The following RANBP2 variants were observed in gnomAD, a reference collection of about 807,000 sequenced individuals.
The protein encoded by RANBP2 is E3 SUMO-protein ligase RanBP2.
RANBP2 carries 57 observed loss-of-function variants against 303.6 expected under a neutral mutation model. That is an observed-to-expected ratio of 0.19 (90% CI 0.15 to 0.23). The LOEUF (loss-of-function observed/expected upper bound fraction) is 0.23, where lower values mean the gene tolerates loss of function less well. RANBP2 is among the 10% of genes least tolerant of loss of function. RANBP2 has a pLI of 1.00. For missense variants in RANBP2, 3,138 were observed against 3,780.8 expected, an observed-to-expected ratio of 0.83 and a Z score of 4.46; for synonymous variants, 1,167 against 1,301.5, an observed-to-expected ratio of 0.90 and a Z score of 2.23.
the RANBP2 span, chr2:109,618,921 A>G: frequency 6.0e-6 from 1 of 167,086 alleles, no homozygotes; most frequent in Non-Finnish European, 1.5e-5. Flanking sequence ...CTATTTTTAA[A>G]TAAGTGAAAT....
At chr2:108,770,555 A>G (rs10182739) in intron 20 of RANBP2, among the ~76,000 whole-genome samples, 371 of 152,348 alleles carry the variant, frequency 2.4e-3, no homozygotes, top group African/African-American at 8.3e-3. Context: ...CACAAGTTCC[A>G]GGCTTTAGTG....
chr2:109,526,282 C>A, the RANBP2 span, among the ~76,000 whole-genome samples: 62 of 152,292 alleles, frequency 4.1e-4, no homozygotes, highest in South Asian at 1.5e-3. Flanking sequence ...AAGGCACCAG[C>A]CTCTCTGAGC....
At chr2:109,703,909 T>C in the RANBP2 span, among the ~76,000 whole-genome samples, 4 of 152,182 alleles carry the variant, frequency 2.6e-5, no homozygotes, top group Non-Finnish European at 4.4e-5. Flanking sequence ...ACCGCGTAAA[T>C]TGGCTCTTGT....
At chr2:108,913,181 C>T in the RANBP2 span, among the ~76,000 whole-genome samples, 15 of 152,194 alleles carry the variant, frequency 9.9e-5, no homozygotes, top group East Asian at 2.1e-3. Flanking sequence ...GATCTCCTGA[C>T]CTTGTGATCT....
intron 22 of RANBP2, 49 bp downstream of exon 22, chr2:108,772,630 T>C (rs1362094441): frequency 6.6e-7 from 1 of 1,518,680 alleles, no homozygotes; most frequent in Admixed American, 1.7e-5. Flanking sequence ...AAGTCTTCTA[T>C]TTAGAAGGAA....
chr2:108,743,310 C>G (rs1419540015), intron 7 of RANBP2, among the ~76,000 whole-genome samples: 1 of 152,112 alleles, frequency 6.6e-6, no homozygotes, highest in Non-Finnish European at 1.5e-5. Context: ...TCTCTTGTTG[C>G]TCTGGCTGGA....
At chr2:109,249,215 TC>T in the RANBP2 span, among the ~76,000 whole-genome samples, 2 of 151,938 alleles carry the variant, frequency 1.3e-5, no homozygotes, top group African/African-American at 4.8e-5. Context: ...GCTAAGCAAC[TC>T]CCCCCCGACT....
At chr2:109,492,807 A>AT in the RANBP2 span, among the ~76,000 whole-genome samples, 1 of 152,036 alleles carries the variant, frequency 6.6e-6, no homozygotes, top group Non-Finnish European at 1.5e-5. Flanking sequence ...CACAGGGCCT[A>AT]TTATCAGCTT....
the RANBP2 span, among the ~76,000 whole-genome samples, chr2:109,707,368 A>G: frequency 3.3e-5 from 5 of 152,256 alleles, no homozygotes; most frequent in South Asian, 2.1e-4. Flanking sequence ...TTGACATAGC[A>G]CCATTGCTTC....
At chr2:109,192,631 T>C in the RANBP2 span, among the ~76,000 whole-genome samples, 1 of 152,194 alleles carries the variant, frequency 6.6e-6, no homozygotes, top group African/African-American at 2.4e-5. Context: ...GAAGTAAATA[T>C]ACAGAAGGTA....
the RANBP2 span, among the ~76,000 whole-genome samples, chr2:109,612,911 C>T: frequency 6.6e-6 from 1 of 152,234 alleles, no homozygotes; most frequent in Non-Finnish European, 1.5e-5. Flanking sequence ...GCAATCTGAA[C>T]TGTTTCTACA....
chr2:109,066,448 C>T, the RANBP2 span, among the ~76,000 whole-genome samples: 1 of 152,160 alleles, frequency 6.6e-6, no homozygotes, highest in Non-Finnish European at 1.5e-5. Context: ...CCATCCACAC[C>T]TCGCCACGCA....
chr2:109,586,998 G>A, the RANBP2 span, among the ~76,000 whole-genome samples: 46 of 152,006 alleles, frequency 3.0e-4, no homozygotes, highest in African/African-American at 1.1e-3. Flanking sequence ...ATTATGACAG[G>A]AAAAAAACAG....
chr2:109,197,667 A>G, the RANBP2 span, among the ~76,000 whole-genome samples: 1 of 152,128 alleles, frequency 6.6e-6, no homozygotes, highest in African/African-American at 2.4e-5. Flanking sequence ...GTTTTGTGAG[A>G]TGTGTTGGGA....
At chr2:109,467,727 T>A in the RANBP2 span, among the ~76,000 whole-genome samples, 3 of 152,218 alleles carry the variant, frequency 2.0e-5, no homozygotes, top group East Asian at 5.8e-4. Flanking sequence ...AGGATGAGCG[T>A]TTGAAGCAGC....
the RANBP2 span, among the ~76,000 whole-genome samples, chr2:109,002,045 C>T: frequency 2.0e-5 from 3 of 152,152 alleles, no homozygotes; most frequent in East Asian, 1.9e-4. Flanking sequence ...AAGCCTTTAA[C>T]GGAGCCCAAA....
the RANBP2 span, among the ~76,000 whole-genome samples, chr2:109,024,586 C>T: frequency 6.6e-6 from 1 of 152,172 alleles, no homozygotes; most frequent in Admixed American, 6.5e-5. Flanking sequence ...AGACTGATGC[C>T]TGAACCTGGA....
chr2:108,755,785 G>A (rs1310946169), intron 17 of RANBP2, among the ~76,000 whole-genome samples: 2 of 151,720 alleles, frequency 1.3e-5, no homozygotes, highest in African/African-American at 2.4e-5. Context: ...GTGCAGTGGT[G>A]CGATCTTGGC....
the RANBP2 span, chr2:109,129,018 C>G: frequency 7.1e-6 from 3 of 420,468 alleles, no homozygotes; most frequent in Non-Finnish European, 9.5e-6. Context: ...AACGGTCCTG[C>G]TGAATCCTCT....
Sources: gnomAD v4.1 joint callset for allele counts (sites outside exome capture counted in the v4.1 genomes callset) on GRCh38, gnomAD v4.1.1 for gene constraint, MANE v1.5 for transcripts, NCBI Gene and HGNC (gene_info 2026-07-23, HGNC 2026-07-21) for gene names.